MALAT1: variants seen among roughly 807,000 people sequenced by gnomAD.
MALAT1 encodes the protein metastasis associated lung adenocarcinoma transcript 1, also known as hepcarcin.
intron 1 of MALAT1, chr11:65,498,595 T>C (rs1248408756): frequency 5.8e-6 from 3 of 518,728 alleles, no homozygotes; most frequent in African/African-American, 5.8e-5. Context: ...ATTTTGCCAC[T>C]TCTCAACCGT....
exon 3 of MALAT1, chr11:65,499,272 G>C (rs1444596970): frequency 1.9e-6 from 1 of 513,704 alleles, no homozygotes; most frequent in African/African-American, 1.9e-5. Flanking sequence ...GCATGAGGAA[G>C]GAAAAGATAA....
exon 3 of MALAT1, chr11:65,499,200 G>GT: frequency 2.0e-6 from 1 of 503,794 alleles, no homozygotes; most frequent in South Asian, 1.5e-5. Context: ...TTAGCGTTAA[G>GT]TTTTTAACGT....
chr11:65,501,336 A>ACCACAGGTTATCAGG (rs755638297), exon 3 of MALAT1: 1 of 518,868 alleles, frequency 1.9e-6, no homozygotes, highest in South Asian at 1.4e-5. Flanking sequence ...AAGAAAATCC[A>ACCACAGGTTATCAGG]ATATCAGGAT....
exon 3 of MALAT1, chr11:65,499,378 C>G (rs140015061): frequency 2.0e-6 from 1 of 490,114 alleles, no homozygotes; most frequent in East Asian, 5.8e-5. Flanking sequence ...TACAGAGCCC[C>G]GAATTAATAC....
At chr11:65,497,809 C>T (rs573194080) in exon 1 of MALAT1, 101 of 509,208 alleles carry the variant, frequency 2.0e-4, no homozygotes, top group African/African-American at 1.9e-3. Context: ...CTCTTAAGCG[C>T]AGCGCCATTT....
At chr11:65,499,246 A>C (rs11540791) in exon 3 of MALAT1, 1 of 504,570 alleles carries the variant, frequency 2.0e-6, no homozygotes, top group Middle Eastern at 3.2e-4. Context: ...AGAAAATATG[A>C]AGACTTAGAA....
At chr11:65,503,394 C>T (rs116978099) in exon 3 of MALAT1, 3 of 516,952 alleles carry the variant, frequency 5.8e-6, no homozygotes, top group Non-Finnish European at 1.2e-5. Flanking sequence ...TAGTACACTT[C>T]ACTCAGAGGC....
chr11:65,502,256 G>T (rs1210507533), exon 3 of MALAT1: 9 of 518,772 alleles, frequency 1.7e-5, no homozygotes, highest in South Asian at 1.3e-4. Flanking sequence ...TTTGGATATG[G>T]TAGTGTGTGG....
chr11:65,500,194 A>T (rs777812098), exon 3 of MALAT1: 1 of 509,974 alleles, frequency 2.0e-6, no homozygotes, highest in Non-Finnish European at 3.9e-6. Context: ...ATTTAAAAAA[A>T]ACTAAGGCAG....
exon 3 of MALAT1, chr11:65,503,599 A>G (rs1016647918): frequency 2.2e-5 from 11 of 509,322 alleles, no homozygotes; most frequent in African/African-American, 2.1e-4. Context: ...TAAATCATTC[A>G]AAATAATAAA....
exon 3 of MALAT1, chr11:65,500,108 T>G (rs780491390): frequency 2.1e-6 from 1 of 475,072 alleles, no homozygotes; most frequent in South Asian, 1.5e-5. Context: ...CCAGAACCAA[T>G]TTAGAAGAAT....
At chr11:65,505,663 G>T (rs1206543631) in intron 3 of MALAT1, 1 of 518,866 alleles carries the variant, frequency 1.9e-6, no homozygotes, top group Admixed American at 1.9e-5. Flanking sequence ...CGGTTTCAAG[G>T]TAACGATGGT....
intron 1 of MALAT1, chr11:65,498,562 G>A (rs534135617): frequency 3.9e-6 from 2 of 518,712 alleles, no homozygotes; most frequent in South Asian, 2.8e-5. Flanking sequence ...AGGACTGCAA[G>A]CAGTTGGGGG....
chr11:65,497,789 C>T (rs763056796), exon 1 of MALAT1: 6 of 482,546 alleles, frequency 1.2e-5, no homozygotes, highest in Non-Finnish European at 2.5e-5. Context: ...CGCAACTGGC[C>T]TCTCCTGCCC....
At chr11:65,506,424 C>A in exon 4 of MALAT1, 1 of 366,284 alleles carries the variant, frequency 2.7e-6, no homozygotes. Context: ...AGCCCTACTG[C>A]TGAAAACTTA....
exon 3 of MALAT1, chr11:65,502,273 T>C (rs1440930077): frequency 5.8e-6 from 3 of 517,930 alleles, no homozygotes; most frequent in Non-Finnish European, 1.2e-5. Context: ...GTGGTTCTCT[T>C]TTGGAATTTT....
At chr11:65,501,958 A>G (rs376366958) in exon 3 of MALAT1, 7 of 515,908 alleles carry the variant, frequency 1.4e-5, no homozygotes, top group African/African-American at 1.2e-4. Context: ...CAGAGAACTT[A>G]AAGTCTTAGA....
At chr11:65,506,191 T>A (rs759258397) in intron 3 of MALAT1, 1 of 439,226 alleles carries the variant, frequency 2.3e-6, no homozygotes, top group South Asian at 1.7e-5. Flanking sequence ...TGACTACTAA[T>A]CTGTCTTCAG....
chr11:65,500,247 ATAG>A, exon 3 of MALAT1: 1 of 518,378 alleles, frequency 1.9e-6, no homozygotes, highest in Admixed American at 1.9e-5. Flanking sequence ...GGCCTTAAAT[ATAG>A]TAGCTTAGTT....
Sources: gnomAD v4.1 joint callset for allele counts on GRCh38, gnomAD v4.1.1 for gene constraint, MANE v1.5 for transcripts, NCBI Gene and HGNC (gene_info 2026-07-23, HGNC 2026-07-21) for gene names.